MTUS2: variants seen among roughly 807,000 people sequenced by gnomAD.
MTUS2 encodes microtubule associated scaffold protein 2.
Under a neutral mutation model 114.1 loss-of-function variants are expected in MTUS2, and 40 were observed. The observed-to-expected ratio is 0.35, with a 90% confidence interval of 0.27 to 0.46. The LOEUF is 0.46. Among genes scored for constraint, MTUS2 ranks in the 20% least tolerant of loss-of-function variants. MTUS2 has a pLI of 1.00. For synonymous variants in MTUS2, 688 were observed against 672.0 expected, an observed-to-expected ratio of 1.02 and a Z score of -0.37; for missense variants, 1,679 against 1,705.4, an observed-to-expected ratio of 0.98 and a Z score of 0.27.
chr13:28,859,132 C>A (rs1876815117), intron 2 of MTUS2, among the ~76,000 whole-genome samples: 1 of 152,118 alleles, frequency 6.6e-6, no homozygotes, highest in Non-Finnish European at 1.5e-5. Flanking sequence ...CCATAACATC[C>A]TGAATTAGGT....
At chr13:29,014,993 TCC>T (rs1465172496) in intron 2 of MTUS2, among the ~76,000 whole-genome samples, 1 of 152,140 alleles carries the variant, frequency 6.6e-6, no homozygotes, top group Non-Finnish European at 1.5e-5. Context: ...CCGGGATGAC[TCC>T]CAGGTGCACT....
intron 5 of MTUS2, among the ~76,000 whole-genome samples, chr13:29,112,412 G>A (rs1317461414): frequency 6.6e-6 from 1 of 152,140 alleles, no homozygotes; most frequent in Non-Finnish European, 1.5e-5. Flanking sequence ...TGAGGAGAAT[G>A]GGTCTGCAGA....
intron 5 of MTUS2, among the ~76,000 whole-genome samples, chr13:29,143,643 A>T (rs760881023): frequency 6.6e-6 from 1 of 152,184 alleles, no homozygotes; most frequent in Non-Finnish European, 1.5e-5. Context: ...AATGGAGTTG[A>T]TGGGGTGCCT....
At chr13:29,296,028 T>A (rs1898927101) in intron 6 of MTUS2, among the ~76,000 whole-genome samples, 1 of 152,140 alleles carries the variant, frequency 6.6e-6, no homozygotes, top group Non-Finnish European at 1.5e-5. Flanking sequence ...ACATTTTCCT[T>A]ATCTGCTAAA....
intron 6 of MTUS2, among the ~76,000 whole-genome samples, chr13:29,298,270 G>A (rs1899035339): frequency 6.6e-6 from 1 of 152,174 alleles, no homozygotes; most frequent in African/African-American, 2.4e-5. Context: ...TATAAAAAAT[G>A]AGTAACTGAT....
chr13:29,038,566 G>A (rs1044407722), intron 4 of MTUS2, among the ~76,000 whole-genome samples: 2 of 152,240 alleles, frequency 1.3e-5, no homozygotes, highest in African/African-American at 2.4e-5. Context: ...GAGCTCCAGC[G>A]CTGTGCTGGG....
intron 6 of MTUS2, among the ~76,000 whole-genome samples, chr13:29,282,542 C>T (rs912544679): frequency 6.6e-6 from 1 of 152,226 alleles, no homozygotes; most frequent in Admixed American, 6.5e-5. Flanking sequence ...TGCTTCTCCT[C>T]CCATCCCTCC....
chr13:29,471,478 C>T (rs574613218), intron 9 of MTUS2, among the ~76,000 whole-genome samples: 10 of 152,174 alleles, frequency 6.6e-5, no homozygotes, highest in East Asian at 5.8e-4. Flanking sequence ...ATAAAGTCAA[C>T]GCCAGTTTAT....
At chr13:28,890,061 C>T (rs950903944) in intron 2 of MTUS2, among the ~76,000 whole-genome samples, 1 of 152,146 alleles carries the variant, frequency 6.6e-6, no homozygotes, top group Non-Finnish European at 1.5e-5. Flanking sequence ...CTGTAAAGTG[C>T]AGTGTTGTCC....
intron 5 of MTUS2, among the ~76,000 whole-genome samples, chr13:29,177,070 T>C (rs1471943148): frequency 6.6e-6 from 1 of 151,134 alleles, no homozygotes. Flanking sequence ...TCAGCCATCA[T>C]TTTCACTCTC....
chr13:29,051,434 A>G (rs1479344495), intron 4 of MTUS2, among the ~76,000 whole-genome samples: 3 of 152,190 alleles, frequency 2.0e-5, no homozygotes, highest in Non-Finnish European at 4.4e-5. Flanking sequence ...CACAGAGGTA[A>G]TTATGAGTCA....
chr13:29,093,597 T>C (rs1890055256), intron 4 of MTUS2, among the ~76,000 whole-genome samples: 1 of 152,254 alleles, frequency 6.6e-6, no homozygotes, highest in Admixed American at 6.5e-5. Context: ...GATTTCTGTA[T>C]GTTGAATTGT....
chr13:28,884,011 A>C (rs1878444208), intron 2 of MTUS2, among the ~76,000 whole-genome samples: 1 of 152,160 alleles, frequency 6.6e-6, no homozygotes, highest in African/African-American at 2.4e-5. Flanking sequence ...AATAGCTGCT[A>C]TATGATTTAG....
intron 2 of MTUS2, among the ~76,000 whole-genome samples, chr13:29,020,888 G>A (rs1419253497): frequency 6.6e-6 from 1 of 151,446 alleles, no homozygotes; most frequent in Non-Finnish European, 1.5e-5. Flanking sequence ...CCTGTCTCTG[G>A]AGGCCTGCTA....
chr13:29,430,642 G>T (rs4129791), intron 8 of MTUS2, among the ~76,000 whole-genome samples: 5 of 151,970 alleles, frequency 3.3e-5, no homozygotes, highest in African/African-American at 9.7e-5. Flanking sequence ...ATTTTCACAG[G>T]TGCTCTTTTA....
intron 2 of MTUS2, among the ~76,000 whole-genome samples, chr13:29,002,698 T>C (rs924605596): frequency 1.3e-5 from 2 of 152,338 alleles, no homozygotes; most frequent in Non-Finnish European, 2.9e-5. Flanking sequence ...CTGAGTTCAG[T>C]GACCAATGTT....
At chr13:29,369,569 T>C (rs1032469314) in intron 8 of MTUS2, among the ~76,000 whole-genome samples, 2 of 152,182 alleles carry the variant, frequency 1.3e-5, no homozygotes, top group African/African-American at 4.8e-5. Flanking sequence ...AGAATAAGAT[T>C]TATGTGGTAC....
chr13:28,821,803 T>C (rs1305049108), intron 1 of MTUS2, among the ~76,000 whole-genome samples: 1 of 152,258 alleles, frequency 6.6e-6, no homozygotes, highest in Non-Finnish European at 1.5e-5. Context: ...AAAAATACGT[T>C]GTTAGAAACA....
At chr13:29,023,826 A>G (rs192244458) in intron 2 of MTUS2, among the ~76,000 whole-genome samples, 1 of 152,310 alleles carries the variant, frequency 6.6e-6, no homozygotes, top group Non-Finnish European at 1.5e-5. Flanking sequence ...TAACTACTGC[A>G]TAGGTGATGT....
Sources: allele counts gnomAD v4.1 joint callset (sites outside exome capture counted in the v4.1 genomes callset), GRCh38; gene constraint gnomAD v4.1.1; transcripts MANE v1.5; gene names NCBI Gene and HGNC (gene_info 2026-07-23, HGNC 2026-07-21).